Variants in ARHGAP42 observed in about 807,000 individuals in gnomAD.
ARHGAP42 encodes rho GTPase-activating protein 42.
A neutral mutation model predicts 125.0 loss-of-function variants in ARHGAP42; 63 were observed. The observed-to-expected ratio is 0.50, with a 90% confidence interval of 0.41 to 0.62. The LOEUF (loss-of-function observed/expected upper bound fraction) is 0.62. ARHGAP42 is among the 20% of genes least tolerant of loss of function. The probability of loss-of-function intolerance (pLI) is 0.00; values close to 1 mark genes in which losing one functional copy is unlikely to be tolerated. For synonymous variants in ARHGAP42, 339 were observed against 351.0 expected (o/e 0.97, Z 0.38); for missense variants, 766 against 1,024.2 (o/e 0.75, Z 3.44).
At position 100,706,368 on chromosome 11, in the gene ARHGAP42, G is replaced by T. The variant is rs192406390; in HGVS notation, c.154+18536G>T. Reference sequence around the variant, plus strand: ...CATGACTGAGCTTACAGGAAGTTGTGTCAGACTAGTGTTTGGAGAGGCTGA... The same window carrying T: ...CATGACTGAGCTTACAGGAAGTTGTTTCAGACTAGTGTTTGGAGAGGCTGA... On this transcript the variant is annotated intron_variant, in intron 1 of 23. Transcript: ENST00000298815. Among the ~76,000 whole-genome samples, 8 of 152,346 alleles carry T rather than the reference G, an allele frequency of 5.3e-5. No homozygotes were observed. The East Asian group carries it at 1.5e-3, about 29-fold the overall frequency.
chr11:100,950,359 T>C (rs1264471598), intron 12 of ARHGAP42, among the ~76,000 whole-genome samples: 1 of 122,948 alleles, frequency 8.1e-6, no homozygotes, highest in Non-Finnish European at 2.0e-5. Flanking sequence ...AAATACTGTA[T>C]TTATTTATCT....
intron 2 of ARHGAP42, among the ~76,000 whole-genome samples, chr11:100,787,044 G>T (rs1266675317): frequency 6.6e-6 from 1 of 152,026 alleles, no homozygotes; most frequent in Non-Finnish European, 1.5e-5. Context: ...TTGGGAGGCC[G>T]AGGCGGGTGG....
chr11:100,817,337 G>T (rs761886920), intron 3 of ARHGAP42, among the ~76,000 whole-genome samples: 13 of 152,178 alleles, frequency 8.5e-5, no homozygotes, highest in African/African-American at 1.9e-4. Flanking sequence ...ATTTACTGGG[G>T]TGCCTTTCTA....
chr11:100,927,839 C>G (rs766949296), intron 6 of ARHGAP42, among the ~76,000 whole-genome samples: 8 of 152,150 alleles, frequency 5.3e-5, no homozygotes, highest in Non-Finnish European at 1.2e-4. Flanking sequence ...AATCAGTGCA[C>G]GTAATTGTCC....
intron 1 of ARHGAP42, among the ~76,000 whole-genome samples, chr11:100,745,436 G>A (rs573119653): frequency 3.3e-5 from 5 of 152,264 alleles, no homozygotes; most frequent in Admixed American, 1.3e-4. Flanking sequence ...CAACCCACAC[G>A]TGCATGGTGT....
chr11:100,963,426 G>A (rs1858009623), intron 16 of ARHGAP42, among the ~76,000 whole-genome samples: 1 of 152,190 alleles, frequency 6.6e-6, no homozygotes, highest in Admixed American at 6.5e-5. Flanking sequence ...ACAATTAAGA[G>A]CTGGCATTTC....
At chr11:100,708,128 G>A (rs1178989621) in intron 1 of ARHGAP42, among the ~76,000 whole-genome samples, 1 of 152,144 alleles carries the variant, frequency 6.6e-6, no homozygotes, top group Non-Finnish European at 1.5e-5. Flanking sequence ...TTTTTGCAGT[G>A]TGGATAATAA....
chr11:100,978,442 C>T (rs917754872), intron 21 of ARHGAP42, among the ~76,000 whole-genome samples: 4 of 152,102 alleles, frequency 2.6e-5, no homozygotes, highest in African/African-American at 9.7e-5. Context: ...ATCCTCTCTG[C>T]CTTGCCCTCC....
At chr11:100,906,857 G>A (rs181827021) in intron 4 of ARHGAP42, among the ~76,000 whole-genome samples, 57 of 152,136 alleles carry the variant, frequency 3.7e-4, no homozygotes, top group Admixed American at 6.6e-4. Flanking sequence ...TCTAAATTCC[G>A]TGTAGCACTC....
At chr11:100,983,502 A>G (rs1858596324) in intron 22 of ARHGAP42, among the ~76,000 whole-genome samples, 1 of 152,198 alleles carries the variant, frequency 6.6e-6, no homozygotes, top group Non-Finnish European at 1.5e-5. Flanking sequence ...TGTGATAAAC[A>G]CACAGAAAAG....
At chr11:100,692,823 G>T (rs1370094035) in intron 1 of ARHGAP42, among the ~76,000 whole-genome samples, 1 of 152,200 alleles carries the variant, frequency 6.6e-6, no homozygotes, top group African/African-American at 2.4e-5. Flanking sequence ...TGTTTATAGT[G>T]AAGGAAAACC....
At position 100,928,063 on chromosome 11, in the gene ARHGAP42, T is replaced by C. The variant is rs531858874; in HGVS notation, c.598-5093T>C. Among the ~76,000 whole-genome samples, 24 of 152,330 alleles carry C rather than the reference T, an allele frequency of 1.6e-4. No individual in the cohort carries two copies. In the East Asian group the frequency reaches 4.1e-3, roughly 26 times the overall value. On this transcript the variant is annotated intron_variant, in intron 6 of 23. Transcript: ENST00000298815. ...GCAATCTGTAGTCATTTTGAAGGTA[T>C]CCTTTAAGATGTTTATCTCTAAGTT... is the stretch of plus-strand genomic sequence containing the variant.
intron 3 of ARHGAP42, among the ~76,000 whole-genome samples, chr11:100,825,229 AT>A (rs1190995398): frequency 6.6e-6 from 1 of 152,192 alleles, no homozygotes; most frequent in Non-Finnish European, 1.5e-5. Flanking sequence ...GCTTCAAATT[AT>A]TATATTGTCC....
At chr11:100,781,617 C>A (rs193013323) in intron 2 of ARHGAP42, among the ~76,000 whole-genome samples, 1 of 152,114 alleles carries the variant, frequency 6.6e-6, no homozygotes. Flanking sequence ...AATAAATCCT[C>A]ACCCCAAGGG....
chr11:100,976,479 T>G, intron 20 of ARHGAP42, 42 bp downstream of exon 20: 1 of 1,482,694 alleles, frequency 6.7e-7, no homozygotes, highest in Non-Finnish European at 8.9e-7. Flanking sequence ...ATTGTCTCAG[T>G]GTCACTTGTG....
Position 100,933,146 on chromosome 11 carries a change from A to C in ARHGAP42, c.598-10A>C, listed in dbSNP as rs375060905. ...ATTTTCATGGTTTCTTTATCTCTTT[A>C]TCTTTGCAGCTTTTGTCATTTCTTC... is the stretch of plus-strand genomic sequence containing the variant. On this transcript the variant is annotated splice_polypyrimidine_tract_variant and intron_variant, in intron 6 of 23. Transcript: ENST00000298815. 7.2e-6 allele frequency: 11 copies of C among 1,531,096 alleles called. 1 individual carries two copies. The highest frequency in any genetic ancestry group is 9.7e-6 in the Non-Finnish European group (11 of 1,131,778). 94.8% of individuals were successfully genotyped at this position (1,531,096 alleles called of 1,614,324 possible).
At chr11:100,808,914 T>G (rs1412705673) in intron 3 of ARHGAP42, among the ~76,000 whole-genome samples, 1 of 152,224 alleles carries the variant, frequency 6.6e-6, no homozygotes, top group African/African-American at 2.4e-5. Context: ...TCTTAGGGGT[T>G]CTTATCAAGA....
At chr11:100,699,572 G>C (rs1861363212) in intron 1 of ARHGAP42, among the ~76,000 whole-genome samples, 2 of 128,358 alleles carry the variant, frequency 1.6e-5, no homozygotes, top group Admixed American at 1.9e-4. Context: ...ACCCAGGCTG[G>C]AGGGCAATGG....
intron 16 of ARHGAP42, among the ~76,000 whole-genome samples, chr11:100,965,040 G>T (rs915785586): frequency 1.3e-5 from 2 of 152,090 alleles, no homozygotes. Context: ...ATGGTGGAAG[G>T]TGCCTCCTCA....
Sources: gnomAD v4.1 joint callset for allele counts (sites outside exome capture counted in the v4.1 genomes callset) on GRCh38, gnomAD v4.1.1 for gene constraint, MANE v1.5 for transcripts, NCBI Gene and HGNC (gene_info 2026-07-23, HGNC 2026-07-21) for gene names.